PLEKHG4B: variants seen among roughly 807,000 people sequenced by gnomAD.
PLEKHG4B encodes pleckstrin homology and RhoGEF domain containing G4B, also known as pleckstrin homology domain-containing family G member 4B.
A neutral mutation model predicts 121.3 loss-of-function variants in PLEKHG4B; 111 were observed. The observed-to-expected ratio is 0.92, with a 90% CI of 0.78 to 1.07. The LOEUF is 1.07. PLEKHG4B is among the 50% of genes least tolerant of loss of function. The probability of loss-of-function intolerance (pLI) is 0.00; values close to 1 mark genes in which losing one functional copy is unlikely to be tolerated. For synonymous variants in PLEKHG4B, 738 were observed against 725.0 expected, an observed-to-expected ratio of 1.02 and a Z score of -0.29; for missense variants, 1,831 against 1,757.8, an observed-to-expected ratio of 1.04 and a Z score of -0.74.
At chr5:135,729 G>A (rs1410150984) in intron 2 of PLEKHG4B, among the ~76,000 whole-genome samples, 1,116 of 56,744 alleles carry the variant, frequency 0.02, 7 homozygotes, top group African/African-American at 0.026. Flanking sequence ...ATATATATAT[G>A]TATGTCAGTA....
At chr5:117,139 T>A (rs1474760765) in intron 2 of PLEKHG4B, among the ~76,000 whole-genome samples, 1 of 152,186 alleles carries the variant, frequency 6.6e-6, no homozygotes, top group African/African-American at 2.4e-5. Context: ...TGGATGCATA[T>A]TTACTAGTAC....
chr5:162,348 C>T (rs529005239), intron 12 of PLEKHG4B, among the ~76,000 whole-genome samples: 16 of 152,300 alleles, frequency 1.1e-4, no homozygotes, highest in Middle Eastern at 3.4e-3. Flanking sequence ...CCAGAGGCCA[C>T]GGAGCTCACC....
In PLEKHG4B at chr5:186,652, A is replaced by T. The variant is rs1343777396; in HGVS notation, c.*4329A>T. On this transcript the variant is annotated 3_prime_UTR_variant, in exon 20 of 20. Coordinates refer to ENST00000637938, the MANE Select transcript of PLEKHG4B (RefSeq NM_052909.5). Reference sequence around the variant, plus strand: ...CCCTGGAGCCCTGGCCTGGCCCAGCATCTCCCAGAGTCACTTCCTGATGCC... The same window carrying T: ...CCCTGGAGCCCTGGCCTGGCCCAGCTTCTCCCAGAGTCACTTCCTGATGCC... The T allele has an allele frequency of 1.3e-5, 2 of 152,572 alleles. No homozygotes were observed. The highest frequency in any genetic ancestry group is 1.3e-4 in the Admixed American group (2 of 15,288). 9.5% of individuals were successfully genotyped at this position (152,572 alleles called of 1,614,324 possible).
intron 2 of PLEKHG4B, among the ~76,000 whole-genome samples, chr5:138,729 C>T (rs1735057470): frequency 6.6e-6 from 1 of 152,220 alleles, no homozygotes; most frequent in African/African-American, 2.4e-5. Context: ...GTGTAAGATT[C>T]TGCAGAAGCA....
Position 156,269 on chromosome 5 carries a change from G to A in PLEKHG4B, c.2348+59G>A. On this transcript the variant is annotated intron_variant, in intron 10 of 19. Coordinates refer to ENST00000637938, the MANE Select transcript of PLEKHG4B (RefSeq NM_052909.5). This position sits in a 1 kb window ranked among gnomAD's most constrained non-coding sequence, Gnocchi z 4.4. ...CCCATCGAGGGAGCTGCTCGGGGGA[G>A]TTTGCACCAGGAGGCGTAGCGCTCT... The A allele has an allele frequency of 7.4e-7, 1 of 1,359,636 alleles. No homozygotes were observed. 84.2% of individuals were successfully genotyped at this position (1,359,636 alleles called of 1,614,324 possible). A position where few individuals can be genotyped will look rare whatever the true frequency, so the allele number is the denominator to read the frequency against.
chr5:161,816 GA>G lies in PLEKHG4B; in HGVS notation c.2522del (p.Glu841GlyfsTer17), dbSNP rs767884158. 5.0e-6 allele frequency: 8 copies of G among 1,613,832 alleles called. No individual in the cohort carries two copies. Among genetic ancestry groups the G allele is most frequent in the Non-Finnish European group, 6.8e-6 (8 of 1,180,040 alleles). On this transcript the variant is annotated frameshift_variant, in exon 12 of 20. Transcript: ENST00000637938. LOFTEE classifies it high-confidence loss of function. ...CCAGAAAGGACTACAGCTGGCGAAG[GA>G]GAACCCGCAACGTACAGAGGAAATG... ...SCQKGLQLAK[E>X]NPQRTEEMVQ...
intron 7 of PLEKHG4B, among the ~76,000 whole-genome samples, chr5:154,127 T>C (rs1451762942): frequency 1.3e-5 from 2 of 152,054 alleles, no homozygotes; most frequent in Non-Finnish European, 2.9e-5. Context: ...TGCCTCAGCC[T>C]CCTGAGTAGC....
rs986693517 is a variant in PLEKHG4B at position 139,123 on chromosome 5, G to A, written c.244-360G>A. On this transcript the variant is annotated intron_variant, in intron 2 of 19. Transcript: ENST00000637938. This position sits in a 1 kb window ranked among gnomAD's most constrained non-coding sequence, Gnocchi z 5.0. The stretch of plus-strand genomic sequence containing the variant: ...CTGGCAGGGGCAAGTGTGGACGCCC[G>A]GCCCCTTGCCCAGGCTGGGACCACT... Among the ~76,000 whole-genome samples the A allele has an allele frequency of 1.3e-5, 2 of 152,142 alleles. No homozygotes were observed. The highest frequency in any genetic ancestry group is 4.8e-5 in the African/African-American group (2 of 41,432).
In PLEKHG4B at chr5:154,990, A is replaced by G. The variant is rs776007984; in HGVS notation, c.2108A>G (p.Gln703Arg). The change falls in exon 8 of 20, where the codon CAG becomes CGG. Residue 703 changes from glutamine to arginine, a missense_variant and splice_region_variant. Physicochemically the swap from Gln to Arg is conservative, Grantham distance 43. Coordinates refer to ENST00000637938, the MANE Select transcript of PLEKHG4B (RefSeq NM_052909.5). Reference sequence around the variant, plus strand: ...CATGGTGACTGGATCTGCTTCCGTCAGGTAGGTTCAGCCTGCAGCTGCTGC... The same window carrying G: ...CATGGTGACTGGATCTGCTTCCGTCGGGTAGGTTCAGCCTGCAGCTGCTGC... ...YSHGDWICFR[Q>R]RLEHFAANCE... 6.8e-6 allele frequency: 11 copies of G among 1,610,774 alleles called. No homozygotes were observed. The highest frequency in any genetic ancestry group is 8.5e-6 in the Non-Finnish European group (10 of 1,178,680).
Position 182,491 on chromosome 5 carries a change from T to A in PLEKHG4B, c.*168T>A. 1.5e-6 allele frequency: 1 copy of A among 666,688 alleles called. No homozygotes were observed. Among genetic ancestry groups the A allele is most frequent in the South Asian group, 2.3e-5 (1 of 42,932 alleles). The allele number at this position is 666,688 out of a possible 1,614,324, so 41.3% of individuals were successfully genotyped here. A position where few individuals can be genotyped will look rare whatever the true frequency, so the allele number is the denominator to read the frequency against. On this transcript the variant is annotated 3_prime_UTR_variant, in exon 20 of 20. Coordinates refer to ENST00000637938, the MANE Select transcript of PLEKHG4B (RefSeq NM_052909.5). ...ATTTCCCAGGATTTTAGACATTCCCTAACATTTTCAAACAAATTTATAATT... is the reference window on the plus strand; with the variant it reads ...ATTTCCCAGGATTTTAGACATTCCCAAACATTTTCAAACAAATTTATAATT...
intron 18 of PLEKHG4B, 116 bp from the exon 19 acceptor site, chr5:181,398 G>A: frequency 8.9e-7 from 1 of 1,123,486 alleles, no homozygotes; most frequent in South Asian, 1.5e-5. Context: ...GGCAGGGTGG[G>A]TATACCCTGT....
intron 1 of PLEKHG4B, among the ~76,000 whole-genome samples, chr5:105,785 C>G (rs1340317927): frequency 6.6e-6 from 1 of 152,002 alleles, no homozygotes; most frequent in East Asian, 1.9e-4. Flanking sequence ...TTTTTTCTAC[C>G]TAATGGTTTT....
In PLEKHG4B at chr5:157,044, G is replaced by C; in HGVS notation, c.2487+133G>C. 1 of 1,231,820 alleles carries C rather than the reference G, an allele frequency of 8.1e-7. No individual in the cohort carries two copies. The highest frequency in any genetic ancestry group is 1.2e-6 in the Non-Finnish European group (1 of 857,426). 76.3% of individuals were successfully genotyped at this position (1,231,820 alleles called of 1,614,324 possible). A position where few individuals can be genotyped will look rare whatever the true frequency, so the allele number is the denominator to read the frequency against. On this transcript the variant is annotated intron_variant, in intron 11 of 19. Transcript: ENST00000637938. The surrounding 1 kb of genome is among the most constrained non-coding windows in gnomAD (Gnocchi z 4.6). Reference sequence around the variant, plus strand: ...TCCATTTGGAATGAAATTATGTCAGGATAGGGCATGCCTTGCTGCTTGTGT... The same window carrying C: ...TCCATTTGGAATGAAATTATGTCAGCATAGGGCATGCCTTGCTGCTTGTGT...
chr5:169,238 C>A lies in PLEKHG4B; in HGVS notation c.3477-102C>A. ...CCTCCAGTCCACATGTGACCCTGCT[C>A]ATCCCTCCGGGTTTTCATGTGTTTC... On this transcript the variant is annotated intron_variant, in intron 13 of 19. Coordinates refer to ENST00000637938, the MANE Select transcript of PLEKHG4B (RefSeq NM_052909.5). The A allele has an allele frequency of 5.3e-6, 8 of 1,496,600 alleles. No homozygotes were observed. In the South Asian group the frequency reaches 9.0e-5, roughly 17 times the overall value. The allele number at this position is 1,496,600 out of a possible 1,614,324, so 92.7% of individuals were successfully genotyped here.
intron 11 of PLEKHG4B, among the ~76,000 whole-genome samples, chr5:160,068 A>G (rs933031354): frequency 8.5e-5 from 13 of 152,244 alleles, no homozygotes; most frequent in African/African-American, 2.4e-4. Flanking sequence ...CGATCCTGCT[A>G]TGTATAGGTG....
intron 2 of PLEKHG4B, among the ~76,000 whole-genome samples, chr5:128,676 A>G (rs1280120389): frequency 6.6e-6 from 1 of 152,222 alleles, no homozygotes; most frequent in African/African-American, 2.4e-5. Context: ...CAGAGTTCCA[A>G]AATAGTTATG....
rs149715797 is a variant in PLEKHG4B at position 161,823 on chromosome 5, C to T, written c.2528C>T (p.Pro843Leu). The change falls in exon 12 of 20, where the codon CCG (proline) becomes CTG (leucine). Residue 843 changes from proline to leucine, a missense_variant. Coordinates refer to ENST00000637938, the MANE Select transcript of PLEKHG4B (RefSeq NM_052909.5). ...QKGLQLAKEN[P>L]QRTEEMVQDF... ...GGACTACAGCTGGCGAAGGAGAACC[C>T]GCAACGTACAGAGGAAATGGTCCAG... 185 of 1,613,890 alleles carry T rather than the reference C, an allele frequency of 1.1e-4. No homozygotes were observed. The highest frequency in any genetic ancestry group is 1.9e-4 in the African/African-American group (14 of 75,050).
Position 163,162 on chromosome 5 carries a change from G to A in PLEKHG4B, c.3090G>A (p.Leu1030=), listed in dbSNP as rs2126438525. 6.4e-7 allele frequency: 1 copy of A among 1,564,538 alleles called. No homozygotes were observed. Among genetic ancestry groups the A allele is most frequent in the East Asian group, 2.3e-5 (1 of 44,062 alleles). The change falls in exon 13 of 20, where the codon CTG becomes CTA. Residue 1030 remains leucine (L), a synonymous_variant. Transcript: ENST00000637938. ...GQDGETLRPG[L]CALWDPLSLL... ...ACGGGGAGACCCTGCGCCCAGGGCTGTGTGCTCTGTGGGACCCACTGTCCC... is the reference window on the plus strand; with the variant it reads ...ACGGGGAGACCCTGCGCCCAGGGCTATGTGCTCTGTGGGACCCACTGTCCC...
At chr5:94,650 C>T (rs990634173) in intron 1 of PLEKHG4B, among the ~76,000 whole-genome samples, 1 of 151,776 alleles carries the variant, frequency 6.6e-6, no homozygotes, top group Non-Finnish European at 1.5e-5. Context: ...GGTCCTGGGC[C>T]TGGGAATCTG....
Sources: gnomAD v4.1 joint callset for allele counts (sites outside exome capture counted in the v4.1 genomes callset) on GRCh38, gnomAD v4.1.1 for gene constraint, Gnocchi (gnomAD v3.1) non-coding constraint, MANE v1.5 for transcripts, NCBI Gene and HGNC (gene_info 2026-07-23, HGNC 2026-07-21) for gene names.